The following FER variants were observed in gnomAD, a reference collection of about 807,000 sequenced individuals.
FER encodes tyrosine-protein kinase Fer.
A neutral mutation model predicts 111.0 loss-of-function variants in FER; 63 were observed. That is an observed-to-expected ratio of 0.57 (90% CI 0.46 to 0.70). The LOEUF (loss-of-function observed/expected upper bound fraction) is 0.70, where lower values mean the gene tolerates loss of function less well. FER is among the 30% of genes least tolerant of loss of function. FER has a pLI of 0.00. For synonymous variants in FER, 327 were observed against 313.9 expected (o/e 1.04, Z -0.44); for missense variants, 914 against 954.0 (o/e 0.96, Z 0.55).
At position 109,002,796 on chromosome 5, in the gene FER, G is replaced by T. The variant is rs554085873; in HGVS notation, c.1657-34626G>T. 2.1e-4 allele frequency among the ~76,000 whole-genome samples: 32 copies of T among 152,156 alleles called. No homozygotes were observed. In the South Asian group the frequency reaches 5.0e-3, roughly 24 times the overall value. On this transcript the variant is annotated intron_variant, in intron 13 of 19. Transcript: ENST00000281092. The stretch of plus-strand genomic sequence containing the variant: ...AGAAAAAAACAACCGCATCAAAAAG[G>T]GGGCGAAGGATATGAACAGACACTT...
chr5:108,919,211 CTTG>C (rs915744285), intron 10 of FER, among the ~76,000 whole-genome samples: 1 of 148,632 alleles, frequency 6.7e-6, no homozygotes, highest in African/African-American at 2.5e-5. Flanking sequence ...ACTATTTCTG[CTTG>C]TTTTTTTTTT....
intron 10 of FER, among the ~76,000 whole-genome samples, chr5:108,944,299 A>G (rs765739838): frequency 1.3e-5 from 2 of 152,130 alleles, no homozygotes; most frequent in East Asian, 1.9e-4. Context: ...TTATTTTACA[A>G]TTTCAGGTAT....
chr5:108,821,855 G>A (rs960259239), intron 3 of FER, among the ~76,000 whole-genome samples: 1 of 151,866 alleles, frequency 6.6e-6, no homozygotes, highest in Non-Finnish European at 1.5e-5. Context: ...CTTTTCATGA[G>A]GAGAACACTT....
chr5:109,152,840 C>T (rs1405852870), intron 17 of FER, among the ~76,000 whole-genome samples: 4 of 151,808 alleles, frequency 2.6e-5, no homozygotes, highest in African/African-American at 9.7e-5. Flanking sequence ...TTACCACCAT[C>T]GTAATAAAAC....
chr5:109,163,003 A>G (rs763019047), intron 17 of FER, among the ~76,000 whole-genome samples: 13 of 152,242 alleles, frequency 8.5e-5, no homozygotes, highest in Admixed American at 6.5e-4. Context: ...TGCAGTCAGT[A>G]TCCTTTTCCT....
chr5:109,164,752 C>T (rs1756358901), intron 17 of FER, among the ~76,000 whole-genome samples: 1 of 152,126 alleles, frequency 6.6e-6, no homozygotes, highest in African/African-American at 2.4e-5. Flanking sequence ...GTAGCATATA[C>T]TAAACAGTCT....
chr5:108,837,996 C>G (rs1286402656), intron 5 of FER, among the ~76,000 whole-genome samples: 1 of 152,012 alleles, frequency 6.6e-6, no homozygotes, highest in African/African-American at 2.4e-5. Context: ...TATATAGTTA[C>G]TTTTAAAATA....
chr5:109,032,337 C>T (rs1769751581), intron 13 of FER, among the ~76,000 whole-genome samples: 1 of 152,100 alleles, frequency 6.6e-6, no homozygotes, highest in Admixed American at 6.6e-5. Context: ...CAACTCCTAC[C>T]CTTCACTGAA....
intron 3 of FER, among the ~76,000 whole-genome samples, chr5:108,811,203 C>T (rs1293142994): frequency 1.3e-5 from 2 of 151,952 alleles, no homozygotes; most frequent in Non-Finnish European, 2.9e-5. Context: ...GCACCAAGAT[C>T]TGTGAATGGG....
intron 10 of FER, among the ~76,000 whole-genome samples, chr5:108,931,941 A>G (rs746736933): frequency 3.9e-5 from 6 of 152,004 alleles, no homozygotes; most frequent in Non-Finnish European, 5.9e-5. Flanking sequence ...GAGGCCCTCC[A>G]TCCTTCCAAT....
intron 13 of FER, among the ~76,000 whole-genome samples, chr5:108,996,289 G>C (rs2149764785): frequency 6.6e-6 from 1 of 152,238 alleles, no homozygotes; most frequent in East Asian, 1.9e-4. Flanking sequence ...GTCAACTTTG[G>C]ATTTTGTTGC....
chr5:109,083,930 C>T (rs1777275224), intron 16 of FER, among the ~76,000 whole-genome samples: 1 of 152,006 alleles, frequency 6.6e-6, no homozygotes, highest in African/African-American at 2.4e-5. Flanking sequence ...AGTATCATGC[C>T]TTCTGCCAGC....
intron 2 of FER, chr5:108,782,617 A>C (rs1023528594): frequency 1.3e-5 from 2 of 151,984 alleles, no homozygotes; most frequent in Admixed American, 1.3e-4. Context: ...GTAAGTCCAT[A>C]ATCCTTTTGA....
At chr5:109,157,617 T>G (rs1755545153) in intron 17 of FER, among the ~76,000 whole-genome samples, 1 of 152,110 alleles carries the variant, frequency 6.6e-6, no homozygotes, top group Non-Finnish European at 1.5e-5. Context: ...TGTGAGGATA[T>G]GCTTCCAAAA....
intron 13 of FER, among the ~76,000 whole-genome samples, chr5:108,964,891 C>G (rs1759601373): frequency 6.6e-6 from 1 of 151,790 alleles, no homozygotes; most frequent in Non-Finnish European, 1.5e-5. Context: ...GTTAGCTGTG[C>G]TTTTGCAGTT....
chr5:108,954,904 G>C lies in FER; in HGVS notation c.1505G>C (p.Arg502Thr), dbSNP rs756381569. 1.2e-6 allele frequency: 2 copies of C among 1,609,812 alleles called. No homozygotes were observed. Among genetic ancestry groups the C allele is most frequent in the South Asian group, 2.2e-5 (2 of 90,792 alleles). Reference protein sequence around the residue: ...YVLSVYSDGQRRHFIIQYVDN... With the variant: ...YVLSVYSDGQTRHFIIQYVDN... ...CTTTCTGTATATTCTGATGGACAGA[G>C]GAGACATTTTATCATACAATATGTT... Residue 502 changes from arginine to threonine, a missense_variant, in exon 12 of 20, where the codon AGG becomes ACG. Physicochemically the swap from Arg to Thr is moderately conservative, Grantham distance 71. Around this residue, in one of 3 missense-constraint regions of FER, gnomAD observed 774 missense variants for 782.6 expected, o/e 0.99. Transcript: ENST00000281092.
intron 2 of FER, among the ~76,000 whole-genome samples, chr5:108,775,060 A>AT (rs2149979240): frequency 6.6e-6 from 1 of 152,070 alleles, no homozygotes; most frequent in African/African-American, 2.4e-5. Flanking sequence ...ATCTGAGTTA[A>AT]TTTTTTTGTA....
Position 108,861,223 on chromosome 5 carries a change from C to T in FER, c.482-6544C>T, listed in dbSNP as rs562099876. On this transcript the variant is annotated intron_variant, in intron 5 of 19. Transcript: ENST00000281092. ...ATAATCACTTCTTATTTATTATCAGCAGGTTTCTACCATAATTCGCAAATG... is the reference window on the plus strand; with the variant it reads ...ATAATCACTTCTTATTTATTATCAGTAGGTTTCTACCATAATTCGCAAATG... 1.8e-4 allele frequency among the ~76,000 whole-genome samples: 27 copies of T among 152,268 alleles called. 1 individual carries two copies. The East Asian group carries it at 5.0e-3, about 28-fold the overall frequency.
At chr5:109,126,662 T>C (rs756998264) in intron 17 of FER, among the ~76,000 whole-genome samples, 2 of 152,222 alleles carry the variant, frequency 1.3e-5, no homozygotes, top group Non-Finnish European at 2.9e-5. Flanking sequence ...AGTTAGCAGA[T>C]ACCGGATTGT....
Sources: allele counts gnomAD v4.1 joint callset (sites outside exome capture counted in the v4.1 genomes callset), GRCh38; gene constraint gnomAD v4.1.1; regional missense constraint gnomAD v4.1.1; transcripts MANE v1.5; gene names NCBI Gene and HGNC (gene_info 2026-07-23, HGNC 2026-07-21).